The following DROSHA variants were observed in gnomAD, a reference collection of about 807,000 sequenced individuals.
DROSHA encodes drosha ribonuclease III, also known as ribonuclease 3.
DROSHA carries 56 observed loss-of-function variants against 181.9 expected under a neutral mutation model. The observed-to-expected ratio is 0.31, with a 90% confidence interval of 0.25 to 0.38. DROSHA has a LOEUF of 0.38. Among genes scored for constraint, DROSHA ranks in the 10% least tolerant of loss-of-function variants. The pLI, the probability that DROSHA is intolerant of heterozygous loss-of-function variation, is 1.00. For missense variants in DROSHA, 1,218 were observed against 1,743.5 expected (o/e 0.70, Z 5.37); for synonymous variants, 524 against 591.2 (o/e 0.89, Z 1.65).
chr5:31,477,502 T>A (rs1181889626), intron 16 of DROSHA, among the ~76,000 whole-genome samples: 1 of 152,264 alleles, frequency 6.6e-6, no homozygotes, highest in African/African-American at 2.4e-5. Context: ...TACTAATAGA[T>A]GGTTTTGCAA....
chr5:31,410,915 A>G, intron 30 of DROSHA, 28 bp from the exon 31 acceptor site: 1 of 1,612,990 alleles, frequency 6.2e-7, no homozygotes, highest in Non-Finnish European at 8.5e-7. Flanking sequence ...CGGTACATTG[A>G]GAACACATTT....
intron 16 of DROSHA, among the ~76,000 whole-genome samples, chr5:31,474,952 C>CTA (rs986951879): frequency 2.6e-5 from 4 of 152,186 alleles, no homozygotes; most frequent in African/African-American, 9.7e-5. Context: ...AGCCACCAAT[C>CTA]TATAATGTTT....
chr5:31,478,724 G>C (rs1219925343), intron 16 of DROSHA, among the ~76,000 whole-genome samples: 2 of 152,246 alleles, frequency 1.3e-5, no homozygotes, highest in African/African-American at 4.8e-5. Context: ...AGAAGAGTGA[G>C]ACTCTGTCTC....
chr5:31,428,485 G>A (rs1743750609), intron 27 of DROSHA, among the ~76,000 whole-genome samples: 1 of 152,026 alleles, frequency 6.6e-6, no homozygotes. Flanking sequence ...ATATGTGCAG[G>A]ACAAAAATGG....
At chr5:31,478,348 T>C (rs1183250061) in intron 16 of DROSHA, among the ~76,000 whole-genome samples, 1 of 152,230 alleles carries the variant, frequency 6.6e-6, no homozygotes, top group Non-Finnish European at 1.5e-5. Context: ...TACGAAAGTT[T>C]ACGAATTTGT....
Position 31,514,228 on chromosome 5 carries a change from AACACACAC to A in DROSHA, c.1290+752_1290+759del, listed in dbSNP as rs68049196. 8.1e-5 allele frequency among the ~76,000 whole-genome samples: 12 copies of A among 148,414 alleles called. No homozygotes were observed. Among genetic ancestry groups the A allele is most frequent in the African/African-American group, 3.0e-4 (12 of 40,116 alleles). On this transcript the variant is annotated intron_variant, in intron 8 of 35. Transcript: ENST00000344624. The surrounding 1 kb of genome is among the most constrained non-coding windows in gnomAD (Gnocchi z 4.4). ...CTTCCTTATTTTTCATTTTGGAGAA[AACACACAC>A]ACACACACACACACACACACACACA...
chr5:31,405,283 A>T (rs544264624), intron 35 of DROSHA, among the ~76,000 whole-genome samples: 6 of 151,634 alleles, frequency 4.0e-5, no homozygotes, highest in Admixed American at 2.6e-4. Flanking sequence ...CAGGAGAATC[A>T]CCTGACACCT....
Position 31,525,373 on chromosome 5 carries a change from G to A in DROSHA, c.854+706C>T, listed in dbSNP as rs76217709. On this transcript the variant is annotated intron_variant, in intron 5 of 35. Coordinates refer to ENST00000344624, the MANE Select transcript of DROSHA (RefSeq NM_001382508.1). ...AAAAAAATTAGCCGAGTGTGGTCAC[G>A]TGCACCTGTAATCCCAGCTACTTGG... is the stretch of plus-strand genomic sequence containing the variant. Among the ~76,000 whole-genome samples, 14 of 144,268 alleles carry A rather than the reference G, an allele frequency of 9.7e-5. No individual in the cohort carries two copies. The South Asian group carries it at 1.6e-3, about 16-fold the overall frequency. The allele number at this position is 144,268 out of a possible 152,430, so 94.6% of individuals were successfully genotyped here. A position where few individuals can be genotyped will look rare whatever the true frequency, so the allele number is the denominator to read the frequency against.
rs35969247 is a variant in DROSHA, at chr5:31,526,165, G to A, written c.768C>T (p.Pro256=). Residue 256 remains proline (P), a synonymous_variant, in exon 5 of 36, where the codon CCC becomes CCT. Coordinates refer to ENST00000344624, the MANE Select transcript of DROSHA (RefSeq NM_001382508.1). ...SLDRRERGRS[P]DRRRQDSRYR... Reference sequence around the variant, plus strand: ...ACCGGCTGTCTTGTCTTCTCCTGTCGGGACTGCGGCCTCGCTCCCGCCGAT... The same window carrying A: ...ACCGGCTGTCTTGTCTTCTCCTGTCAGGACTGCGGCCTCGCTCCCGCCGAT... 1,731 of 1,613,782 alleles carry A rather than the reference G, an allele frequency of 1.1e-3. 3 individuals are homozygous for A. Among genetic ancestry groups the A allele is most frequent in the Non-Finnish European group, 1.4e-3 (1,627 of 1,179,848 alleles).
chr5:31,417,738 AG>A (rs1742123463), intron 30 of DROSHA, among the ~76,000 whole-genome samples: 2 of 152,176 alleles, frequency 1.3e-5, no homozygotes, highest in Admixed American at 1.3e-4. Flanking sequence ...TAAGAGGTGG[AG>A]AGAGGAAGAG....
chr5:31,492,572 C>G (rs963843764), intron 13 of DROSHA, among the ~76,000 whole-genome samples: 1 of 152,208 alleles, frequency 6.6e-6, no homozygotes, highest in Non-Finnish European at 1.5e-5. Flanking sequence ...TCCTGTGCCA[C>G]TGCCAGCCAA....
intron 10 of DROSHA, among the ~76,000 whole-genome samples, chr5:31,505,041 A>G (rs917560008): frequency 6.6e-6 from 1 of 152,202 alleles, no homozygotes; most frequent in Non-Finnish European, 1.5e-5. Flanking sequence ...TGCGGATTCA[A>G]TGTTTCAAAA....
At chr5:31,420,188 T>A (rs1742498235) in intron 30 of DROSHA, among the ~76,000 whole-genome samples, 1 of 152,208 alleles carries the variant, frequency 6.6e-6, no homozygotes, top group African/African-American at 2.4e-5. Context: ...TCCAATTCTA[T>A]TCAAAGCAGA....
rs865952348 is a variant in DROSHA at position 31,411,905 on chromosome 5, G to A, written c.3526-1018C>T. The stretch of plus-strand genomic sequence containing the variant: ...ACCTTTCAAAGTGTTGGGATTACAG[G>A]CGTGAGCCACTGCGCCCAGCCCATA... On this transcript the variant is annotated intron_variant, in intron 30 of 35. Transcript: ENST00000344624. This position sits in a 1 kb window ranked among gnomAD's most constrained non-coding sequence, Gnocchi z 4.2. Among the ~76,000 whole-genome samples, 1 of 152,228 alleles carries A rather than the reference G, an allele frequency of 6.6e-6. No individual in the cohort carries two copies. The highest frequency in any genetic ancestry group is 1.5e-5 in the Non-Finnish European group (1 of 68,034).
chr5:31,415,824 G>A (rs1741874680), intron 30 of DROSHA, among the ~76,000 whole-genome samples: 1 of 152,142 alleles, frequency 6.6e-6, no homozygotes. Context: ...AGGCATCCTG[G>A]CCTGTGTAAA....
intron 5 of DROSHA, among the ~76,000 whole-genome samples, chr5:31,525,282 A>C: frequency 7.1e-6 from 1 of 140,998 alleles, no homozygotes; most frequent in Non-Finnish European, 1.5e-5. Flanking sequence ...GTGAGCCGAG[A>C]CTGCGCCACT....
rs117151445 is a variant in DROSHA at position 31,494,576 on chromosome 5, C to T, written c.1755+710G>A. On this transcript the variant is annotated intron_variant, in intron 12 of 35. Coordinates refer to ENST00000344624, the MANE Select transcript of DROSHA (RefSeq NM_001382508.1). The stretch of plus-strand genomic sequence containing the variant: ...GTGAGGCAAGAGGATCACTTGAGAC[C>T]GGAGTTCAAATTCAGCCTGGGCAAC... Among the ~76,000 whole-genome samples, 14 of 151,862 alleles carry T rather than the reference C, an allele frequency of 9.2e-5. No individual in the cohort carries two copies. In the East Asian group the frequency reaches 1.9e-3, roughly 21 times the overall value.
intron 16 of DROSHA, among the ~76,000 whole-genome samples, chr5:31,481,393 C>T (rs921254392): frequency 2.0e-5 from 3 of 152,148 alleles, no homozygotes; most frequent in African/African-American, 7.2e-5. Context: ...GCAGATTTTT[C>T]TTTAAGGTGA....
chr5:31,429,363 G>C, intron 27 of DROSHA, 112 bp downstream of exon 27: 1 of 974,920 alleles, frequency 1.0e-6, no homozygotes, highest in Non-Finnish European at 1.5e-6. Flanking sequence ...ATCTATGGTA[G>C]ATCTGACTAT....
Sources: allele counts gnomAD v4.1 joint callset (sites outside exome capture counted in the v4.1 genomes callset), GRCh38; gene constraint gnomAD v4.1.1; non-coding constraint Gnocchi (gnomAD v3.1); transcripts MANE v1.5; gene names NCBI Gene and HGNC (gene_info 2026-07-23, HGNC 2026-07-21).